Variants in GALNTL6 observed in about 807,000 individuals in gnomAD.
The protein encoded by GALNTL6 is polypeptide N-acetylgalactosaminyltransferase like 6.
In GALNTL6, 46 loss-of-function variants were observed where a neutral mutation model predicts 73.7. That is an observed-to-expected ratio of 0.62 (90% CI 0.49 to 0.80). The LOEUF (loss-of-function observed/expected upper bound fraction) is 0.80, where lower values mean the gene tolerates loss of function less well. GALNTL6 is among the 30% of genes least tolerant of loss of function. GALNTL6 has a pLI of 0.00. For missense variants in GALNTL6, 604 were observed against 755.0 expected, an observed-to-expected ratio of 0.80 and a Z score of 2.34; for synonymous variants, 259 against 263.7, an observed-to-expected ratio of 0.98 and a Z score of 0.17.
At chr4:172,116,482 G>T (rs577612417) in intron 2 of GALNTL6, among the ~76,000 whole-genome samples, 6 of 152,080 alleles carry the variant, frequency 3.9e-5, no homozygotes, top group Non-Finnish European at 5.9e-5. Context: ...TGTTATCCAG[G>T]CTGGTCTCAA....
rs796659023 is a variant in GALNTL6, at chr4:172,510,598, T to C, written c.553+161909T>C. On this transcript the variant is annotated intron_variant, in intron 5 of 12. Coordinates refer to ENST00000506823, the MANE Select transcript of GALNTL6 (RefSeq NM_001034845.3). ...TGGGTTTGTCATAGATGGCTTTTAT[T>C]ACCTTAAGTATGTCCTTTCTATGCC... is the stretch of plus-strand genomic sequence containing the variant. Among the ~76,000 whole-genome samples, 10 of 55,200 alleles carry C rather than the reference T, an allele frequency of 1.8e-4. 4 individuals carry two copies. The highest frequency in any genetic ancestry group is 4.5e-4 in the African/African-American group (10 of 22,264). 36.2% of individuals were successfully genotyped at this position (55,200 alleles called of 152,430 possible). A position where few individuals can be genotyped will look rare whatever the true frequency, so the allele number is the denominator to read the frequency against.
At chr4:173,009,420 G>A (rs1027044902) in intron 11 of GALNTL6, 126 bp downstream of exon 11, 16 of 639,602 alleles carry the variant, frequency 2.5e-5, no homozygotes, top group East Asian at 1.1e-4. Context: ...GAGTGAGGCC[G>A]CTGTATCACC....
intron 2 of GALNTL6, among the ~76,000 whole-genome samples, chr4:172,185,018 T>G (rs1287285803): frequency 1.3e-5 from 2 of 152,182 alleles, no homozygotes; most frequent in African/African-American, 4.8e-5. Flanking sequence ...GCAGACACAT[T>G]CAAACCATAG....
intron 5 of GALNTL6, among the ~76,000 whole-genome samples, chr4:172,575,096 G>A (rs1180227239): frequency 6.6e-6 from 1 of 152,120 alleles, no homozygotes; most frequent in Non-Finnish European, 1.5e-5. Flanking sequence ...ATGCAGGGAG[G>A]AAAAAGTTAT....
At chr4:172,973,825 A>G (rs1004824814) in intron 10 of GALNTL6, among the ~76,000 whole-genome samples, 2 of 152,144 alleles carry the variant, frequency 1.3e-5, no homozygotes, top group African/African-American at 4.8e-5. Flanking sequence ...CACTTTGAAA[A>G]GCTTGCTAAA....
intron 8 of GALNTL6, among the ~76,000 whole-genome samples, chr4:172,901,787 T>TA (rs1746641870): frequency 1.3e-5 from 2 of 152,220 alleles, no homozygotes; most frequent in African/African-American, 2.4e-5. Flanking sequence ...TTTATTTTCC[T>TA]AAAATCTGAC....
chr4:172,158,664 T>C (rs904568892), intron 2 of GALNTL6, among the ~76,000 whole-genome samples: 2 of 152,204 alleles, frequency 1.3e-5, no homozygotes, highest in Non-Finnish European at 2.9e-5. Flanking sequence ...GTGGCAAAGT[T>C]AAACAGGGTC....
At chr4:172,738,169 G>A (rs1736580495) in intron 5 of GALNTL6, among the ~76,000 whole-genome samples, 1 of 152,188 alleles carries the variant, frequency 6.6e-6, no homozygotes, top group African/African-American at 2.4e-5. Context: ...GAAATTTGTT[G>A]ACAACCTCAA....
At chr4:172,444,689 G>C (rs991941215) in intron 5 of GALNTL6, among the ~76,000 whole-genome samples, 12 of 152,114 alleles carry the variant, frequency 7.9e-5, no homozygotes, top group Admixed American at 3.9e-4. Context: ...GCATGAGAAA[G>C]AAGATAATAA....
At chr4:172,902,837 T>C (rs188559600) in intron 8 of GALNTL6, among the ~76,000 whole-genome samples, 69 of 152,274 alleles carry the variant, frequency 4.5e-4, no homozygotes, top group African/African-American at 1.5e-3. Flanking sequence ...TCAACAGACA[T>C]CTACTTATTG....
chr4:172,764,699 G>T (rs919918726), intron 5 of GALNTL6, among the ~76,000 whole-genome samples: 1 of 151,932 alleles, frequency 6.6e-6, no homozygotes, highest in Non-Finnish European at 1.5e-5. Flanking sequence ...AAAATCAAAA[G>T]GTGAACATTG....
intron 8 of GALNTL6, among the ~76,000 whole-genome samples, chr4:172,911,044 G>C (rs1031103421): frequency 6.6e-6 from 1 of 152,156 alleles, no homozygotes; most frequent in African/African-American, 2.4e-5. Flanking sequence ...CCAAACACTT[G>C]GTTCCCAAGA....
chr4:172,659,745 G>T (rs373921573), intron 5 of GALNTL6, among the ~76,000 whole-genome samples: 1 of 152,166 alleles, frequency 6.6e-6, no homozygotes, highest in Non-Finnish European at 1.5e-5. Context: ...TTTAAGTAAG[G>T]TAATTATCCT....
chr4:172,260,177 G>T (rs1252731915), intron 3 of GALNTL6, among the ~76,000 whole-genome samples: 1 of 151,492 alleles, frequency 6.6e-6, no homozygotes, highest in Non-Finnish European at 1.5e-5. Context: ...TCTGTAGATT[G>T]CTTTTGGCAG....
At chr4:172,302,378 T>TC (rs1347619773) in intron 3 of GALNTL6, among the ~76,000 whole-genome samples, 2 of 151,994 alleles carry the variant, frequency 1.3e-5, no homozygotes, top group African/African-American at 2.4e-5. Flanking sequence ...CCACTGTTCT[T>TC]CCCCCACTGT....
At chr4:172,916,525 A>T (rs1423727973) in intron 8 of GALNTL6, among the ~76,000 whole-genome samples, 4 of 152,210 alleles carry the variant, frequency 2.6e-5, no homozygotes, top group Non-Finnish European at 1.5e-5. Context: ...AATCTCCTTA[A>T]GCTGATAAGC....
chr4:172,037,526 C>T (rs1741962252), intron 2 of GALNTL6, among the ~76,000 whole-genome samples: 1 of 152,152 alleles, frequency 6.6e-6, no homozygotes, highest in South Asian at 2.1e-4. Context: ...ATGCCCTCTA[C>T]ATTCCTCTCT....
At chr4:172,523,128 A>G (rs1489197025) in intron 5 of GALNTL6, among the ~76,000 whole-genome samples, 2 of 152,202 alleles carry the variant, frequency 1.3e-5, no homozygotes, top group Non-Finnish European at 2.9e-5. Context: ...GTTAAGCATT[A>G]TGTTGAGGGA....
intron 8 of GALNTL6, among the ~76,000 whole-genome samples, chr4:172,928,799 C>T (rs1748185986): frequency 6.6e-6 from 1 of 152,194 alleles, no homozygotes; most frequent in Non-Finnish European, 1.5e-5. Flanking sequence ...AGACAGAGTT[C>T]ACATCACTTT....
Sources: allele counts gnomAD v4.1 joint callset (sites outside exome capture counted in the v4.1 genomes callset), GRCh38; gene constraint gnomAD v4.1.1; transcripts MANE v1.5; gene names NCBI Gene and HGNC (gene_info 2026-07-23, HGNC 2026-07-21).